The following DUSP28 variants were observed in gnomAD, a reference collection of about 807,000 sequenced individuals.
The protein encoded by DUSP28 is dual specificity phosphatase 28.
A neutral mutation model predicts 8.4 loss-of-function variants in DUSP28; 11 were observed. The observed-to-expected ratio is 1.31, with a 90% confidence interval of 0.83 to 2.17. The LOEUF is 2.17. DUSP28 is among the 30% of genes most tolerant of loss of function. The probability of loss-of-function intolerance (pLI) is 0.00; values close to 1 mark genes in which losing one functional copy is unlikely to be tolerated. For synonymous variants in DUSP28, 178 were observed against 130.9 expected (o/e 1.36, Z -2.46); for missense variants, 373 against 270.4 (o/e 1.38, Z -2.66).
chr2:240,561,164 G>C, intron 1 of DUSP28, 87 bp downstream of exon 1: 1 of 1,485,758 alleles, frequency 6.7e-7, no homozygotes, highest in Non-Finnish European at 8.9e-7. Flanking sequence ...TTCGGGATTG[G>C]GACAGGCACT....
rs1159077884 is a variant in DUSP28 at position 240,562,080 on chromosome 2, T to G, written c.*613T>G. On this transcript the variant is annotated 3_prime_UTR_variant, in exon 2 of 2. Coordinates refer to ENST00000405954, the MANE Select transcript of DUSP28 (RefSeq NM_001370465.2). ...ATTACGGACATCCTTTTTCTTTCTC[T>G]CTTTCTTTTTTTTTGTTTGTTTGTT... 1 of 151,536 alleles carries G rather than the reference T, an allele frequency of 6.6e-6. No individual in the cohort carries two copies. Among genetic ancestry groups the G allele is most frequent in the African/African-American group, 2.4e-5 (1 of 41,350 alleles). 9.4% of individuals were successfully genotyped at this position (151,536 alleles called of 1,614,324 possible).
upstream of DUSP28, chr2:240,560,328 G>A (rs776474180): frequency 8.0e-5 from 15 of 187,110 alleles, no homozygotes; most frequent in Non-Finnish European, 1.5e-4. Flanking sequence ...CGCCGCAGTA[G>A]AGCGGGCAGG....
In DUSP28 at chr2:240,561,042, C is replaced by G; in HGVS notation, c.358C>G (p.Arg120Gly). 1 of 1,516,168 alleles carries G rather than the reference C, an allele frequency of 6.6e-7. No homozygotes were observed. The allele number at this position is 1,516,168 out of a possible 1,614,324, so 93.9% of individuals were successfully genotyped here. A position where few individuals can be genotyped will look rare whatever the true frequency, so the allele number is the denominator to read the frequency against. ...SAAVCTAYLM[R>G]HRGLSLAKAF... ...CGCCGTCTGCACCGCGTACCTCATG[C>G]GGCACCGCGGCCTCAGCCTGGCGAA... The change falls in exon 1 of 2, where the codon CGG becomes GGG. Residue 120 changes from arginine to glycine, a missense_variant. Transcript: ENST00000405954.
rs2125445139 is a variant in DUSP28, at chr2:240,563,924, TAAG to T, written c.*2460_*2462del. On this transcript the variant is annotated 3_prime_UTR_variant, in exon 2 of 2. Transcript: ENST00000405954. Reference sequence around the variant, plus strand: ...ATAACCTCTTTAATGCCTGAAATCATAAGAATAATCATCAAAGGCAAGAGGGTT... The same window carrying T: ...ATAACCTCTTTAATGCCTGAAATCATAATAATCATCAAAGGCAAGAGGGTT... 2 of 152,482 alleles carry T rather than the reference TAAG, an allele frequency of 1.3e-5. No individual in the cohort carries two copies. The highest frequency in any genetic ancestry group is 4.1e-4 in the South Asian group (2 of 4,832). The allele number at this position is 152,482 out of a possible 1,614,324, so 9.4% of individuals were successfully genotyped here. A position where few individuals can be genotyped will look rare whatever the true frequency, so the allele number is the denominator to read the frequency against.
At position 240,561,704 on chromosome 2, in the gene DUSP28, T is replaced by G; in HGVS notation, c.*237T>G. On this transcript the variant is annotated 3_prime_UTR_variant, in exon 2 of 2. Transcript: ENST00000405954. ...ATTAAGAAAAAGCAAATAGGGATCCTCCATTATTTACACTCCAGAATCTTG... is the reference window on the plus strand; with the variant it reads ...ATTAAGAAAAAGCAAATAGGGATCCGCCATTATTTACACTCCAGAATCTTG... The G allele has an allele frequency of 4.6e-5, 25 of 538,240 alleles. No homozygotes were observed. The highest frequency in any genetic ancestry group is 1.5e-4 in the East Asian group (4 of 27,040). 33.3% of individuals were successfully genotyped at this position (538,240 alleles called of 1,614,324 possible).
Position 240,561,386 on chromosome 2 carries a change from C to G in DUSP28, c.450C>G (p.Leu150=). The G allele has an allele frequency of 2.5e-6, 4 of 1,613,822 alleles. No homozygotes were observed. The highest frequency in any genetic ancestry group is 3.4e-6 in the Non-Finnish European group (4 of 1,180,026). The part of the protein sequence containing the change: ...AEPNPGFWSQ[L]QKYEEALQAQ... ...CGAACCCGGGCTTCTGGTCTCAGCT[C>G]CAGAAGTATGAGGAGGCCCTCCAGG... The change falls in exon 2 of 2, where the codon CTC becomes CTG. Residue 150 remains leucine (L), a synonymous_variant. Transcript: ENST00000405954.
At position 240,560,681 on chromosome 2, in the gene DUSP28, C is replaced by T. The variant is rs1358908559; in HGVS notation, c.-4C>T. The T allele has an allele frequency of 6.6e-7, 1 of 1,514,490 alleles. No homozygotes were observed. The highest frequency in any genetic ancestry group is 1.2e-5 in the South Asian group (1 of 81,720). The allele number at this position is 1,514,490 out of a possible 1,614,324, so 93.8% of individuals were successfully genotyped here. On this transcript the variant is annotated 5_prime_UTR_variant, in exon 1 of 2. Transcript: ENST00000405954. ...GCCCAAAAGCAGACTCTTCGGCGGG[C>T]GCCATGGGACCGGCAGAAGCTGGGC...
Position 240,564,721 on chromosome 2 carries a change from T to TG in DUSP28, c.*3255dup, listed in dbSNP as rs1373717062. Among the ~76,000 whole-genome samples, 1 of 152,212 alleles carries TG rather than the reference T, an allele frequency of 6.6e-6. No homozygotes were observed. The highest frequency in any genetic ancestry group is 2.4e-5 in the African/African-American group (1 of 41,452). ...ACCTGGAGCTGCCAGCAGAGCCTCC[T>TG]GCCCACCAGCTGCTGAAGCCACAGT... On this transcript the variant is annotated 3_prime_UTR_variant, in exon 2 of 2. Coordinates refer to ENST00000405954, the MANE Select transcript of DUSP28 (RefSeq NM_001370465.2).
Position 240,561,064 on chromosome 2 carries a change from C to A in DUSP28, c.380C>A (p.Ala127Glu), listed in dbSNP as rs571403854. 1.2e-4 allele frequency: 174 copies of A among 1,491,628 alleles called. 1 individual carries two copies. The African/African-American group carries it at 2.0e-3, about 17-fold the overall frequency. 92.4% of individuals were successfully genotyped at this position (1,491,628 alleles called of 1,614,324 possible). A position where few individuals can be genotyped will look rare whatever the true frequency, so the allele number is the denominator to read the frequency against. Residue 127 changes from alanine to glutamate, a missense_variant, in exon 1 of 2, where the codon GCG becomes GAG. Physicochemically the swap from Ala to Glu is moderately radical, Grantham distance 107 (BLOSUM62 -1). Coordinates refer to ENST00000405954, the MANE Select transcript of DUSP28 (RefSeq NM_001370465.2). ...YLMRHRGLSL[A>E]KAFQMVKSAR... The stretch of plus-strand genomic sequence containing the variant: ...ATGCGGCACCGCGGCCTCAGCCTGG[C>A]GAAGGCCTTCCAGGTGGGCGGGCCT...
In DUSP28 at chr2:240,561,768, G is replaced by A; in HGVS notation, c.*301G>A. ...GCCGGCGCATTCTACCAGTCTCAGG[G>A]AAGGACATGAGTACAGACTACAGTA... On this transcript the variant is annotated 3_prime_UTR_variant, in exon 2 of 2. Transcript: ENST00000405954. The A allele has an allele frequency of 2.8e-6, 1 of 357,168 alleles. No homozygotes were observed. Among genetic ancestry groups the A allele is most frequent in the Non-Finnish European group, 5.1e-6 (1 of 194,572 alleles). The allele number at this position is 357,168 out of a possible 1,614,324, so 22.1% of individuals were successfully genotyped here.
rs924913056 is a variant in DUSP28, at chr2:240,560,782, C to G, written c.98C>G (p.Ala33Gly). 1.4e-6 allele frequency: 2 copies of G among 1,459,766 alleles called. No homozygotes were observed. Among genetic ancestry groups the G allele is most frequent in the Non-Finnish European group, 1.8e-6 (2 of 1,113,722 alleles). 90.4% of individuals were successfully genotyped at this position (1,459,766 alleles called of 1,614,324 possible). Residue 33 changes from alanine to glycine, a missense_variant, in exon 1 of 2, where the codon GCC (alanine) becomes GGC (glycine). Transcript: ENST00000405954. Reference sequence around the variant, plus strand: ...TCACTCTTCCTCGGGAGCGCGCGAGCCGCGGGCGCGGAGGAGCAGCTGGCG... The same window carrying G: ...TCACTCTTCCTCGGGAGCGCGCGAGGCGCGGGCGCGGAGGAGCAGCTGGCG... ...APSLFLGSARAAGAEEQLARA... is the reference protein window; with the variant it reads ...APSLFLGSARGAGAEEQLARA...
Position 240,560,937 on chromosome 2 carries a change from A to G in DUSP28, c.253A>G (p.Thr85Ala). 6.5e-7 allele frequency: 1 copy of G among 1,537,638 alleles called. No homozygotes were observed. The highest frequency in any genetic ancestry group is 8.7e-7 in the Non-Finnish European group (1 of 1,155,354). The change falls in exon 1 of 2, where the codon ACG (threonine) becomes GCG (alanine). Residue 85 changes from threonine (T) to alanine (A), a missense_variant. Coordinates refer to ENST00000405954, the MANE Select transcript of DUSP28 (RefSeq NM_001370465.2). ...AEDLLAHLEP[T>A]CAAMEAAVRA... ...GGACCTGCTGGCGCACCTGGAGCCC[A>G]CGTGCGCCGCCATGGAGGCCGCGGT...
Position 240,560,841 on chromosome 2 carries a change from C to T in DUSP28, c.157C>T (p.Arg53Cys), listed in dbSNP as rs768842256. The change falls in exon 1 of 2, where the codon CGC (arginine) becomes TGC (cysteine). Residue 53 changes from arginine (R) to cysteine (C), a missense_variant. Physicochemically the swap from Arg to Cys is radical, Grantham distance 180 (BLOSUM62 -3). Transcript: ENST00000405954. The stretch of plus-strand genomic sequence containing the variant: ...AGTCACGCTGTGCGTCAACGTCTCC[C>T]GCCAGCAGCCCGGCCCGCGCGCGCC... ...AGVTLCVNVSRQQPGPRAPGV... is the reference protein window; with the variant it reads ...AGVTLCVNVSCQQPGPRAPGV... The T allele has an allele frequency of 7.2e-6, 10 of 1,397,294 alleles. No homozygotes were observed. Among genetic ancestry groups the T allele is most frequent in the South Asian group, 1.6e-5 (1 of 62,610 alleles). 86.6% of individuals were successfully genotyped at this position (1,397,294 alleles called of 1,614,324 possible). A position where few individuals can be genotyped will look rare whatever the true frequency, so the allele number is the denominator to read the frequency against.
chr2:240,560,471 TC>T lies in DUSP28; in HGVS notation c.-211del. 1 of 682,276 alleles carries T rather than the reference TC, an allele frequency of 1.5e-6. No individual in the cohort carries two copies. Among genetic ancestry groups the T allele is most frequent in the Non-Finnish European group, 2.1e-6 (1 of 478,786 alleles). The allele number at this position is 682,276 out of a possible 1,614,324, so 42.3% of individuals were successfully genotyped here. On this transcript the variant is annotated 5_prime_UTR_variant, in exon 1 of 2. The change creates a premature stop within an existing upstream ORF in the 5' untranslated region. Transcript: ENST00000405954. The stretch of plus-strand genomic sequence containing the variant: ...CCGGCGCCCTGGTGAGGCCCAAACC[TC>T]CCGCCATGCCCCGGCCCCAACGAGA...
rs1395405842 is a variant in DUSP28 at position 240,560,939 on chromosome 2, G to A, written c.255G>A (p.Thr85=). ...ACCTGCTGGCGCACCTGGAGCCCAC[G>A]TGCGCCGCCATGGAGGCCGCGGTGC... The part of the protein sequence containing the change: ...AEDLLAHLEP[T]CAAMEAAVRA... Residue 85 remains threonine (T), a synonymous_variant, in exon 1 of 2, where the codon ACG becomes ACA. Transcript: ENST00000405954. 4 of 1,536,022 alleles carry A rather than the reference G, an allele frequency of 2.6e-6. No individual in the cohort carries two copies. The highest frequency in any genetic ancestry group is 2.6e-6 in the Non-Finnish European group (3 of 1,154,750).
Position 240,560,859 on chromosome 2 carries a change from C to A in DUSP28, c.175C>A (p.Arg59Ser). Residue 59 changes from arginine to serine, a missense_variant, in exon 1 of 2, where the codon CGC (arginine) becomes AGC (serine). Transcript: ENST00000405954. ...CGTCTCCCGCCAGCAGCCCGGCCCG[C>A]GCGCGCCCGGCGTGGCAGAGCTGCG... ...VNVSRQQPGP[R>S]APGVAELRVP... is the part of the protein sequence containing the mutation. 7.4e-7 allele frequency: 1 copy of A among 1,348,286 alleles called. No individual in the cohort carries two copies. The highest frequency in any genetic ancestry group is 9.6e-7 in the Non-Finnish European group (1 of 1,043,448). 83.5% of individuals were successfully genotyped at this position (1,348,286 alleles called of 1,614,324 possible). A position where few individuals can be genotyped will look rare whatever the true frequency, so the allele number is the denominator to read the frequency against.
Position 240,564,827 on chromosome 2 carries a change from C to T in DUSP28, c.*3360C>T, listed in dbSNP as rs1328484264. Among the ~76,000 whole-genome samples the T allele has an allele frequency of 6.6e-6, 1 of 152,228 alleles. No individual in the cohort carries two copies. The highest frequency in any genetic ancestry group is 2.4e-5 in the African/African-American group (1 of 41,454). On this transcript the variant is annotated 3_prime_UTR_variant, in exon 2 of 2. Transcript: ENST00000405954. ...CATGGGAAGCCCCTCCTGTGACAGG[C>T]AGGGGAGAAGGAGGCTGTGCTGACA... is the stretch of plus-strand genomic sequence containing the variant.
In DUSP28 at chr2:240,562,307, C is replaced by T. The variant is rs1002153189; in HGVS notation, c.*840C>T. ...TTCACCATGTTAGCCAGGATGGTCT[C>T]AAACTCCTGACCTCGTGATCCACCC... On this transcript the variant is annotated 3_prime_UTR_variant, in exon 2 of 2. Coordinates refer to ENST00000405954, the MANE Select transcript of DUSP28 (RefSeq NM_001370465.2). 5.3e-5 allele frequency: 8 copies of T among 152,186 alleles called. No homozygotes were observed. The highest frequency in any genetic ancestry group is 1.7e-4 in the African/African-American group (7 of 41,422). 9.4% of individuals were successfully genotyped at this position (152,186 alleles called of 1,614,324 possible). A position where few individuals can be genotyped will look rare whatever the true frequency, so the allele number is the denominator to read the frequency against.
rs1350414828 is a variant in DUSP28 at position 240,561,526 on chromosome 2, C to CTT, written c.*61_*62dup. On this transcript the variant is annotated 3_prime_UTR_variant, in exon 2 of 2. Coordinates refer to ENST00000405954, the MANE Select transcript of DUSP28 (RefSeq NM_001370465.2). The stretch of plus-strand genomic sequence containing the variant: ...CCCTGCACTGATACAGAAGGCTGGT[C>CTT]TTTACCCTTCTTCCTCACTGTCATA... The CTT allele has an allele frequency of 1.2e-5, 19 of 1,541,102 alleles. 1 individual carries two copies. The Admixed American group carries it at 3.8e-4, about 30-fold the overall frequency.
Sources: allele counts gnomAD v4.1 joint callset (sites outside exome capture counted in the v4.1 genomes callset), GRCh38; gene constraint gnomAD v4.1.1; transcripts MANE v1.5; gene names NCBI Gene and HGNC (gene_info 2026-07-23, HGNC 2026-07-21).